WDR7: variants seen among roughly 807,000 people sequenced by gnomAD.
The protein encoded by WDR7 is WD repeat-containing protein 7.
In WDR7, 46 loss-of-function variants were observed where a neutral mutation model predicts 169.4. That is an observed-to-expected ratio of 0.27 (90% confidence interval 0.21 to 0.35). WDR7 has a LOEUF of 0.35. Among genes scored for constraint, WDR7 ranks in the 10% least tolerant of loss-of-function variants. WDR7 has a pLI of 1.00. For missense variants in WDR7, 1,534 were observed against 1,859.3 expected, an observed-to-expected ratio of 0.83 and a Z score of 3.22; for synonymous variants, 612 against 666.8, an observed-to-expected ratio of 0.92 and a Z score of 1.27.
chr18:56,902,563 G>A (rs2046417647), intron 21 of WDR7, among the ~76,000 whole-genome samples: 2 of 152,198 alleles, frequency 1.3e-5, no homozygotes. Context: ...TGCAGGTGTA[G>A]TGGTATTAAG....
chr18:56,895,322 A>G (rs1271522157), intron 21 of WDR7, among the ~76,000 whole-genome samples: 1 of 151,998 alleles, frequency 6.6e-6, no homozygotes, highest in African/African-American at 2.4e-5. Context: ...TAGTAAGACC[A>G]TAAAAACCGG....
intron 26 of WDR7, among the ~76,000 whole-genome samples, chr18:56,982,846 C>G (rs936103022): frequency 7.2e-5 from 11 of 152,226 alleles, no homozygotes; most frequent in African/African-American, 1.2e-4. Context: ...AGCAGATGCT[C>G]TCTAAACATG....
At chr18:56,839,291 C>T (rs754000042) in intron 20 of WDR7, among the ~76,000 whole-genome samples, 3 of 152,032 alleles carry the variant, frequency 2.0e-5, no homozygotes, top group Non-Finnish European at 4.4e-5. Flanking sequence ...ATATAATGGA[C>T]GCCCATTTAC....
At chr18:56,785,686 G>A (rs73434866) in intron 19 of WDR7, among the ~76,000 whole-genome samples, 1 of 152,254 alleles carries the variant, frequency 6.6e-6, no homozygotes, top group African/African-American at 2.4e-5. Flanking sequence ...GGACTAAGAT[G>A]ATAAAGCATC....
chr18:56,854,222 A>G (rs901554581), intron 20 of WDR7, among the ~76,000 whole-genome samples: 1 of 152,220 alleles, frequency 6.6e-6, no homozygotes, highest in African/African-American at 2.4e-5. Context: ...GGGACACAGC[A>G]TTGTTTTACC....
Position 56,900,478 on chromosome 18 carries a change from T to C in WDR7, c.3526+20313T>C, listed in dbSNP as rs188462082. Among the ~76,000 whole-genome samples, 14 of 152,008 alleles carry C rather than the reference T, an allele frequency of 9.2e-5. No individual in the cohort carries two copies. The East Asian group carries it at 1.7e-3, about 19-fold the overall frequency. On this transcript the variant is annotated intron_variant, in intron 21 of 27. Transcript: ENST00000254442. Reference sequence around the variant, plus strand: ...CAAAGAGCTTCTCACTAGCAGAAAATGATTAACTACTAAAAGAGGTAAAAA... The same window carrying C: ...CAAAGAGCTTCTCACTAGCAGAAAACGATTAACTACTAAAAGAGGTAAAAA...
rs2043907956 is a variant in WDR7 at position 56,757,262 on chromosome 18, A to G, written c.2669A>G (p.His890Arg). ...GTGTCCCGTGCCGTCACCACACAGC[A>G]TCTCCTGTCTATCATTTCTTTGGCA... ...YGVSRAVTTQ[H>R]LLSIISLANT... Residue 890 changes from histidine to arginine, a missense_variant, in exon 15 of 28, where the codon CAT becomes CGT. Coordinates refer to ENST00000254442, the MANE Select transcript of WDR7 (RefSeq NM_015285.3). 1.2e-6 allele frequency: 2 copies of G among 1,614,052 alleles called. No individual in the cohort carries two copies. Among genetic ancestry groups the G allele is most frequent in the Non-Finnish European group, 1.7e-6 (2 of 1,180,044 alleles).
intron 26 of WDR7, among the ~76,000 whole-genome samples, chr18:56,968,132 T>G (rs1019853573): frequency 1.5e-4 from 23 of 151,532 alleles, no homozygotes; most frequent in African/African-American, 5.1e-4. Context: ...AAAGCAATGA[T>G]GTATAGAGAA....
chr18:56,773,904 T>C (rs1235298520), intron 16 of WDR7, among the ~76,000 whole-genome samples: 1 of 152,106 alleles, frequency 6.6e-6, no homozygotes, highest in Non-Finnish European at 1.5e-5. Flanking sequence ...TTCTCTTCCT[T>C]CTTCTCTCCC....
intron 19 of WDR7, among the ~76,000 whole-genome samples, chr18:56,787,904 G>A (rs1427856193): frequency 6.6e-6 from 1 of 152,132 alleles, no homozygotes; most frequent in Admixed American, 6.5e-5. Flanking sequence ...ATATTTTTAG[G>A]GTTTGTTCGT....
rs113522636 is a variant in WDR7, at chr18:56,877,337, A to G, written c.3305-2607A>G. 9.9e-4 allele frequency among the ~76,000 whole-genome samples: 150 copies of G among 152,274 alleles called. 1 individual carries two copies. Among genetic ancestry groups the G allele is most frequent in the African/African-American group, 3.2e-3 (135 of 41,560 alleles). On this transcript the variant is annotated intron_variant, in intron 20 of 27. Transcript: ENST00000254442. The stretch of plus-strand genomic sequence containing the variant: ...TAAATATTCCTTCCTTCATCCTGCT[A>G]CTTTTGCCACCATATCCTACCCTCT...
chr18:56,729,259 T>C (rs9961599), intron 13 of WDR7, among the ~76,000 whole-genome samples: 66 of 152,302 alleles, frequency 4.3e-4, no homozygotes, highest in African/African-American at 1.3e-3. Context: ...ATTTTCAAAA[T>C]TGAATTAACT....
At chr18:56,978,954 A>G (rs528346380) in intron 26 of WDR7, among the ~76,000 whole-genome samples, 8 of 152,324 alleles carry the variant, frequency 5.3e-5, no homozygotes, top group Admixed American at 3.9e-4. Flanking sequence ...GGCCTATAAA[A>G]TCAAATAATT....
intron 19 of WDR7, 80 bp downstream of exon 19, chr18:56,781,736 C>G: frequency 7.6e-7 from 1 of 1,313,760 alleles, no homozygotes; most frequent in East Asian, 2.8e-5. Flanking sequence ...ATATATGCTA[C>G]TACCCATCAA....
intron 20 of WDR7, among the ~76,000 whole-genome samples, chr18:56,844,633 A>G (rs970051811): frequency 6.6e-6 from 1 of 152,242 alleles, no homozygotes; most frequent in African/African-American, 2.4e-5. Context: ...ACCGCTCTGC[A>G]GCCATAGAGA....
At chr18:56,949,950 A>T (rs2047158241) in intron 25 of WDR7, among the ~76,000 whole-genome samples, 1 of 152,192 alleles carries the variant, frequency 6.6e-6, no homozygotes, top group African/African-American at 2.4e-5. Context: ...TTTTACTTAA[A>T]AGCTTGAATT....
At chr18:56,822,346 A>G (rs904372057) in intron 20 of WDR7, among the ~76,000 whole-genome samples, 1 of 152,218 alleles carries the variant, frequency 6.6e-6, no homozygotes, top group Admixed American at 6.5e-5. Context: ...TTTATACACT[A>G]AAGTCAACAT....
chr18:56,922,133 G>T (rs2046733835), intron 21 of WDR7, among the ~76,000 whole-genome samples: 1 of 152,126 alleles, frequency 6.6e-6, no homozygotes, highest in Non-Finnish European at 1.5e-5. Flanking sequence ...CTTCCAAGAA[G>T]TAAAAAATAA....
chr18:56,985,543 C>G (rs1359834797), intron 26 of WDR7, among the ~76,000 whole-genome samples: 1 of 152,048 alleles, frequency 6.6e-6, no homozygotes, highest in Non-Finnish European at 1.5e-5. Flanking sequence ...TTCCAAGATA[C>G]ATTTTAACTT....
Sources: allele counts gnomAD v4.1 joint callset (sites outside exome capture counted in the v4.1 genomes callset), GRCh38; gene constraint gnomAD v4.1.1; transcripts MANE v1.5; gene names NCBI Gene and HGNC (gene_info 2026-07-23, HGNC 2026-07-21).